The following PAPSS2 variants were observed in gnomAD, a reference collection of about 807,000 sequenced individuals.
PAPSS2 encodes bifunctional 3'-phosphoadenosine 5'-phosphosulfate synthase 2.
In PAPSS2, 61 loss-of-function variants were observed where a neutral mutation model predicts 66.5. The observed-to-expected ratio is 0.92, with a 90% CI of 0.75 to 1.14. The LOEUF is 1.14. PAPSS2 is among the 50% of genes most tolerant of loss of function. PAPSS2 has a pLI of 0.00. For synonymous variants in PAPSS2, 289 were observed against 287.5 expected, an observed-to-expected ratio of 1.01 and a Z score of -0.05; for missense variants, 708 against 789.6, an observed-to-expected ratio of 0.90 and a Z score of 1.24.
chr10:87,672,394 A>G (rs1308184736), intron 1 of PAPSS2, among the ~76,000 whole-genome samples: 1 of 152,256 alleles, frequency 6.6e-6, no homozygotes, highest in African/African-American at 2.4e-5. Context: ...AGCTAATTAC[A>G]CATATTTTTG....
intron 2 of PAPSS2, among the ~76,000 whole-genome samples, chr10:87,710,595 G>T (rs573373253): frequency 1.3e-5 from 2 of 152,224 alleles, no homozygotes; most frequent in South Asian, 4.1e-4. Flanking sequence ...CCCTTGAAAA[G>T]AAAAAGAGAA....
chr10:87,661,016 G>T, intron 1 of PAPSS2: 1 of 455,830 alleles, frequency 2.2e-6, no homozygotes, highest in East Asian at 6.9e-5. Context: ...TGAATGGGTT[G>T]ACCTCTCTCT....
chr10:87,694,184 G>C (rs1853205071), intron 1 of PAPSS2, among the ~76,000 whole-genome samples: 3 of 152,164 alleles, frequency 2.0e-5, no homozygotes, highest in Admixed American at 6.5e-5. Flanking sequence ...GCTTGCTCAA[G>C]GTTCTAGTGG....
At chr10:87,705,602 A>G (rs1007110616) in intron 1 of PAPSS2, among the ~76,000 whole-genome samples, 15 of 152,150 alleles carry the variant, frequency 9.9e-5, no homozygotes, top group Non-Finnish European at 2.9e-5. Flanking sequence ...TTTTAGTTTT[A>G]ATTTGCATTC....
At chr10:87,743,105 G>A (rs555651678) in intron 10 of PAPSS2, among the ~76,000 whole-genome samples, 1 of 152,152 alleles carries the variant, frequency 6.6e-6, no homozygotes, top group Non-Finnish European at 1.5e-5. Context: ...AATTAGCCGG[G>A]TGTGGTGGCA....
chr10:87,715,652 A>G (rs1853523266), intron 6 of PAPSS2, 80 bp from the exon 7 acceptor site: 6 of 845,090 alleles, frequency 7.1e-6, no homozygotes, highest in Admixed American at 5.8e-5. Flanking sequence ...TGTTAACTGA[A>G]TAAGAAAGGA....
intron 9 of PAPSS2, among the ~76,000 whole-genome samples, chr10:87,737,414 C>T (rs933446500): frequency 3.3e-5 from 5 of 152,092 alleles, no homozygotes; most frequent in African/African-American, 1.2e-4. Flanking sequence ...TAAAAATTAT[C>T]ATCTTAACCT....
At chr10:87,720,956 G>T (rs1402917914) in intron 7 of PAPSS2, among the ~76,000 whole-genome samples, 1 of 152,148 alleles carries the variant, frequency 6.6e-6, no homozygotes, top group Non-Finnish European at 1.5e-5. Context: ...TCAAGCTTGT[G>T]TTGACTGATG....
Position 87,746,282 on chromosome 10 carries a change from A to G in PAPSS2, c.*312A>G, listed in dbSNP as rs1234637265. ...AGATTTCTTAAGGCTTTGTTTGACC[A>G]TGTGTCTAGTTACTTGCTGAAAAGT... On this transcript the variant is annotated 3_prime_UTR_variant, in exon 13 of 13. Coordinates refer to ENST00000456849, the MANE Select transcript of PAPSS2 (RefSeq NM_001015880.2). 1.5e-5 allele frequency: 3 copies of G among 202,826 alleles called. No individual in the cohort carries two copies. The highest frequency in any genetic ancestry group is 2.7e-4 in the East Asian group (2 of 7,308). The allele number at this position is 202,826 out of a possible 1,614,324, so 12.6% of individuals were successfully genotyped here.
At chr10:87,672,502 A>G (rs1174668151) in intron 1 of PAPSS2, among the ~76,000 whole-genome samples, 4 of 152,244 alleles carry the variant, frequency 2.6e-5, no homozygotes, top group African/African-American at 9.6e-5. Flanking sequence ...TAATGAGGAC[A>G]ATGGGAACTA....
At chr10:87,701,260 T>G (rs1853301608) in intron 1 of PAPSS2, among the ~76,000 whole-genome samples, 1 of 134,208 alleles carries the variant, frequency 7.5e-6, no homozygotes, top group African/African-American at 3.1e-5. Flanking sequence ...TCTTTCTTTC[T>G]TCCTTTCTTC....
chr10:87,660,116 C>T, intron 1 of PAPSS2, 108 bp downstream of exon 1: 1 of 1,154,680 alleles, frequency 8.7e-7, no homozygotes, highest in Non-Finnish European at 1.3e-6. Context: ...GAGGGGGCGT[C>T]GGGAGGAGGA....
In PAPSS2 at chr10:87,743,388, T is replaced by C. The variant is rs1394742174; in HGVS notation, c.1238T>C (p.Phe413Ser). The part of the protein sequence containing the change: ...KEMNADAVFA[F>S]QLRNPVHNGH... ...CCTCTCCCAGATGCGGTGTTTGCATTCCAGTTGCGCAATCCTGTCCACAAT... is the reference window on the plus strand; with the variant it reads ...CCTCTCCCAGATGCGGTGTTTGCATCCCAGTTGCGCAATCCTGTCCACAAT... The change falls in exon 11 of 13, where the codon TTC becomes TCC. Residue 413 changes from phenylalanine (F) to serine (S), a missense_variant. Coordinates refer to ENST00000456849, the MANE Select transcript of PAPSS2 (RefSeq NM_001015880.2). 1 of 1,613,926 alleles carries C rather than the reference T, an allele frequency of 6.2e-7. No individual in the cohort carries two copies. Among genetic ancestry groups the C allele is most frequent in the Non-Finnish European group, 8.5e-7 (1 of 1,180,006 alleles).
chr10:87,678,392 T>G (rs559493144), intron 1 of PAPSS2, among the ~76,000 whole-genome samples: 7 of 152,312 alleles, frequency 4.6e-5, no homozygotes, highest in South Asian at 4.1e-4. Flanking sequence ...TAGGCAAATA[T>G]TTTATGGTTA....
At chr10:87,671,609 T>C (rs1266601518) in intron 1 of PAPSS2, among the ~76,000 whole-genome samples, 7 of 152,212 alleles carry the variant, frequency 4.6e-5, no homozygotes, top group African/African-American at 1.7e-4. Context: ...CGAGCATTCA[T>C]GAGTTACAAG....
At chr10:87,722,658 C>T (rs1264135848) in intron 8 of PAPSS2, among the ~76,000 whole-genome samples, 1 of 152,100 alleles carries the variant, frequency 6.6e-6, no homozygotes, top group Non-Finnish European at 1.5e-5. Flanking sequence ...AAATGAAGCA[C>T]ATGAAGGAAA....
intron 2 of PAPSS2, among the ~76,000 whole-genome samples, chr10:87,711,459 C>T (rs1853461628): frequency 1.3e-5 from 2 of 152,212 alleles, no homozygotes; most frequent in African/African-American, 4.8e-5. Context: ...TGTTATTTCT[C>T]TCATTTTCTG....
intron 1 of PAPSS2, among the ~76,000 whole-genome samples, chr10:87,663,783 C>T (rs1318117918): frequency 3.3e-5 from 5 of 152,202 alleles, no homozygotes; most frequent in Non-Finnish European, 5.9e-5. Flanking sequence ...TTGTCTTGCT[C>T]AGTGCCAGAC....
chr10:87,687,855 A>G, intron 1 of PAPSS2, among the ~76,000 whole-genome samples: 1 of 152,132 alleles, frequency 6.6e-6, no homozygotes, highest in Non-Finnish European at 1.5e-5. Context: ...TCAAGAGAGA[A>G]GAATACAAAA....
Sources: allele counts gnomAD v4.1 joint callset (sites outside exome capture counted in the v4.1 genomes callset), GRCh38; gene constraint gnomAD v4.1.1; transcripts MANE v1.5; gene names NCBI Gene and HGNC (gene_info 2026-07-23, HGNC 2026-07-21).